EGFLAM: variants seen among roughly 807,000 people sequenced by gnomAD.
The protein encoded by EGFLAM is pikachurin.
EGFLAM carries 79 observed loss-of-function variants against 113.1 expected under a neutral mutation model. The ratio of observed to expected loss-of-function variants is 0.70; its 90% CI spans 0.58 to 0.84. EGFLAM has a LOEUF of 0.84. EGFLAM is among the 40% of genes least tolerant of loss of function. The pLI, the probability that EGFLAM is intolerant of heterozygous loss-of-function variation, is 0.00. For synonymous variants in EGFLAM, 504 were observed against 487.6 expected (o/e 1.03, Z -0.44); for missense variants, 1,265 against 1,291.6 (o/e 0.98, Z 0.32).
intron 6 of EGFLAM, among the ~76,000 whole-genome samples, chr5:38,380,181 C>T (rs1457302328): frequency 1.3e-5 from 2 of 152,228 alleles, no homozygotes; most frequent in Non-Finnish European, 1.5e-5. Context: ...GGCCCACGGG[C>T]CACAGTTTGC....
chr5:38,438,724 T>C (rs1032146451), intron 17 of EGFLAM, among the ~76,000 whole-genome samples: 26 of 152,202 alleles, frequency 1.7e-4, no homozygotes, highest in African/African-American at 5.8e-4. Context: ...AATCACCTCA[T>C]AGTCTAGCAA....
At position 38,407,152 on chromosome 5, in the gene EGFLAM, C is replaced by A; in HGVS notation, c.1147+6C>A. ...TGGTGAGAGCTGCTCAGAAGGTAGG[C>A]CCTTGGGGGAGAGGAAGAAGTGGTG... On this transcript the variant is annotated splice_donor_region_variant and intron_variant, in intron 8 of 21. Transcript: ENST00000322350. 6.3e-7 allele frequency: 1 copy of A among 1,585,698 alleles called. No homozygotes were observed. Among genetic ancestry groups the A allele is most frequent in the South Asian group, 1.1e-5 (1 of 90,696 alleles).
At chr5:38,323,224 G>T (rs1298842362) in intron 1 of EGFLAM, among the ~76,000 whole-genome samples, 1 of 152,174 alleles carries the variant, frequency 6.6e-6, no homozygotes, top group Non-Finnish European at 1.5e-5. Context: ...GTGTTTTTAT[G>T]AATTGGATTA....
intron 3 of EGFLAM, chr5:38,345,386 G>A (rs937866526): frequency 6.6e-6 from 1 of 152,230 alleles, no homozygotes; most frequent in Non-Finnish European, 1.5e-5. Context: ...TGTGAAGAAG[G>A]CAAGAGTCCT....
At chr5:38,458,593 C>T (rs1743168192) in intron 20 of EGFLAM, among the ~76,000 whole-genome samples, 199 bp downstream of exon 20, 2 of 152,182 alleles carry the variant, frequency 1.3e-5, no homozygotes, top group Non-Finnish European at 2.9e-5. Flanking sequence ...GGAAACTGAA[C>T]CCCCAAACCT....
rs1741711318 is a variant in EGFLAM at position 38,418,111 on chromosome 5, G to A, written c.1540G>A (p.Gly514Ser). Residue 514 changes from glycine (G) to serine (S), a missense_variant, in exon 12 of 22, where the codon GGC becomes AGC. Physicochemically the swap from Gly to Ser is moderately conservative, Grantham distance 56 (BLOSUM62 0). Coordinates refer to ENST00000322350, the MANE Select transcript of EGFLAM (RefSeq NM_152403.4). ...TTTCCGGACACCTCTCTATCTTGGT[G>A]GCGCTCCCAGCGCTTACTGGTTGGT... ...ITFRTPLYLG[G>S]APSAYWLVRA... The A allele has an allele frequency of 6.2e-7, 1 of 1,614,006 alleles. No individual in the cohort carries two copies. Among genetic ancestry groups the A allele is most frequent in the Non-Finnish European group, 8.5e-7 (1 of 1,180,024 alleles).
At chr5:38,364,594 A>G (rs1380715640) in intron 5 of EGFLAM, among the ~76,000 whole-genome samples, 1 of 152,204 alleles carries the variant, frequency 6.6e-6, no homozygotes, top group Non-Finnish European at 1.5e-5. Flanking sequence ...ATAGGGAGCT[A>G]TGGAAAGTTG....
chr5:38,465,299 C>T lies in EGFLAM; in HGVS notation c.*1313C>T, dbSNP rs1230859932. 6.6e-6 allele frequency among the ~76,000 whole-genome samples: 1 copy of T among 152,202 alleles called. No individual in the cohort carries two copies. The highest frequency in any genetic ancestry group is 2.4e-5 in the African/African-American group (1 of 41,460). On this transcript the variant is annotated 3_prime_UTR_variant, in exon 22 of 22. Coordinates refer to ENST00000322350, the MANE Select transcript of EGFLAM (RefSeq NM_152403.4). ...CTTACTAAGGGAAAGGTGAGATGAA[C>T]ACTGCCCCCAAGGAGGGGGTGAAAT...
At chr5:38,327,456 C>A (rs1738920603) in intron 1 of EGFLAM, among the ~76,000 whole-genome samples, 1 of 152,158 alleles carries the variant, frequency 6.6e-6, no homozygotes, top group South Asian at 2.1e-4. Flanking sequence ...CTCTGCCACC[C>A]TAATGTATCA....
chr5:38,400,081 C>A (rs1378671012), intron 6 of EGFLAM: 1 of 152,198 alleles, frequency 6.6e-6, no homozygotes, highest in Non-Finnish European at 1.5e-5. Flanking sequence ...CAAGTCTAAT[C>A]CTACTCCTTA....
intron 13 of EGFLAM, among the ~76,000 whole-genome samples, chr5:38,425,894 G>A (rs890372263): frequency 2.6e-5 from 4 of 152,172 alleles, no homozygotes; most frequent in African/African-American, 9.7e-5. Flanking sequence ...CTGGGAGGCC[G>A]AGGTGGGCGG....
At chr5:38,377,290 AC>A (rs1179261625) in intron 6 of EGFLAM, among the ~76,000 whole-genome samples, 1 of 151,964 alleles carries the variant, frequency 6.6e-6, no homozygotes, top group African/African-American at 2.4e-5. Flanking sequence ...AGCACCTGCC[AC>A]CATGCCCTGC....
chr5:38,323,748 T>A (rs1413881080), intron 1 of EGFLAM, among the ~76,000 whole-genome samples: 1 of 152,032 alleles, frequency 6.6e-6, no homozygotes, highest in Non-Finnish European at 1.5e-5. Flanking sequence ...AAAAAATTTG[T>A]TTCATTAAGA....
At chr5:38,331,067 A>AT (rs1336893281) in intron 1 of EGFLAM, among the ~76,000 whole-genome samples, 6 of 152,186 alleles carry the variant, frequency 3.9e-5, no homozygotes, top group Non-Finnish European at 5.9e-5. Context: ...TATTTAACCT[A>AT]TTTTTTATCA....
At chr5:38,359,201 G>A (rs1032231442) in intron 5 of EGFLAM, among the ~76,000 whole-genome samples, 1 of 152,148 alleles carries the variant, frequency 6.6e-6, no homozygotes, top group African/African-American at 2.4e-5. Flanking sequence ...AGTTCCAATC[G>A]GGGTGCCATG....
intron 11 of EGFLAM, among the ~76,000 whole-genome samples, chr5:38,415,052 T>C (rs1741596877): frequency 2.0e-5 from 3 of 152,192 alleles, no homozygotes; most frequent in Non-Finnish European, 4.4e-5. Context: ...CAAGATTCTA[T>C]GATTTTAATG....
chr5:38,363,064 A>C lies in EGFLAM; in HGVS notation c.546-7232A>C, dbSNP rs181097251. 1.5e-3 allele frequency among the ~76,000 whole-genome samples: 231 copies of C among 152,330 alleles called. 1 individual carries two copies. The highest frequency in any genetic ancestry group is 4.8e-3 in the African/African-American group (200 of 41,574). On this transcript the variant is annotated intron_variant, in intron 5 of 21. Coordinates refer to ENST00000322350, the MANE Select transcript of EGFLAM (RefSeq NM_152403.4). The stretch of plus-strand genomic sequence containing the variant: ...TTTGTCATTTGGTTAGGTTAAACCA[A>C]TTTGTAAATAAAGAAAGAAGGCTGA...
At chr5:38,430,382 T>C (rs897386121) in intron 14 of EGFLAM, among the ~76,000 whole-genome samples, 3 of 152,200 alleles carry the variant, frequency 2.0e-5, no homozygotes, top group African/African-American at 7.2e-5. Flanking sequence ...CTGAACCCCA[T>C]TTCAGGCTCA....
intron 17 of EGFLAM, among the ~76,000 whole-genome samples, chr5:38,439,843 TAA>T (rs1447991999): frequency 6.6e-5 from 10 of 152,230 alleles, no homozygotes; most frequent in Admixed American, 5.9e-4. Flanking sequence ...TTGAATTTAC[TAA>T]GTCTCCAATT....
Sources: gnomAD v4.1 joint callset for allele counts (sites outside exome capture counted in the v4.1 genomes callset) on GRCh38, gnomAD v4.1.1 for gene constraint, MANE v1.5 for transcripts, NCBI Gene and HGNC (gene_info 2026-07-23, HGNC 2026-07-21) for gene names.